P3H2: variants seen among roughly 807,000 people sequenced by gnomAD.
P3H2 encodes leprecan-like 1.
A neutral mutation model predicts 87.0 loss-of-function variants in P3H2; 80 were observed. The ratio of observed to expected loss-of-function variants is 0.92; its 90% CI spans 0.77 to 1.11. P3H2 has a LOEUF of 1.11. Ranked by LOEUF, P3H2 falls within the 50% of genes least tolerant of loss-of-function variation. The probability of loss-of-function intolerance (pLI) is 0.00; values close to 1 mark genes in which losing one functional copy is unlikely to be tolerated. For missense variants in P3H2, 1,001 were observed against 923.9 expected (o/e 1.08, Z -1.08); for synonymous variants, 367 against 359.3 (o/e 1.02, Z -0.24).
Position 189,995,450 on chromosome 3 carries a change from G to GA in P3H2, c.481-9dup, listed in dbSNP as rs371335199. 1,466 of 1,564,644 alleles carry GA rather than the reference G, an allele frequency of 9.4e-4. 13 individuals carry two copies. In the African/African-American group the frequency reaches 0.014, roughly 15 times the overall value. The stretch of plus-strand genomic sequence containing the variant: ...TTTTTCGAGCTGGTTAAGCTAAAGA[G>GA]AAAAAAAAATGACCAAAATGAAGGC... On this transcript the variant is annotated splice_polypyrimidine_tract_variant and intron_variant, in intron 1 of 14. Coordinates refer to ENST00000319332, the MANE Select transcript of P3H2 (RefSeq NM_018192.4).
chr3:190,083,901 G>A (rs1018155250), intron 1 of P3H2, among the ~76,000 whole-genome samples: 1 of 152,088 alleles, frequency 6.6e-6, no homozygotes, highest in Non-Finnish European at 1.5e-5. Context: ...AAGCTTGGCT[G>A]GATTTTTAAA....
At chr3:190,103,961 T>G (rs1316221020) in intron 1 of P3H2, among the ~76,000 whole-genome samples, 1 of 151,998 alleles carries the variant, frequency 6.6e-6, no homozygotes, top group Non-Finnish European at 1.5e-5. Context: ...CTGGCTAATT[T>G]TTGTATTTTT....
At chr3:190,099,232 C>T (rs965534360) in intron 1 of P3H2, among the ~76,000 whole-genome samples, 7 of 152,052 alleles carry the variant, frequency 4.6e-5, no homozygotes, top group Admixed American at 1.3e-4. Context: ...ACAAATTATG[C>T]GTGGAACGAA....
chr3:190,033,006 C>T (rs1039953758), intron 1 of P3H2, among the ~76,000 whole-genome samples: 3 of 152,162 alleles, frequency 2.0e-5, no homozygotes, highest in African/African-American at 7.2e-5. Flanking sequence ...TGAAACTAGA[C>T]GGTCCCATCT....
At chr3:189,991,435 G>A (rs566108081) in intron 3 of P3H2, among the ~76,000 whole-genome samples, 165 of 152,198 alleles carry the variant, frequency 1.1e-3, no homozygotes, top group African/African-American at 3.9e-3. Context: ...CATAAACATG[G>A]AGTATTTAAC....
intron 1 of P3H2, among the ~76,000 whole-genome samples, chr3:190,099,875 A>G (rs1463475056): frequency 1.3e-5 from 2 of 152,140 alleles, no homozygotes; most frequent in African/African-American, 4.8e-5. Flanking sequence ...AGAGGTACTG[A>G]GGCTAATTGT....
chr3:189,985,979 T>C (rs917575983), intron 6 of P3H2, among the ~76,000 whole-genome samples: 5 of 152,142 alleles, frequency 3.3e-5, no homozygotes, highest in Admixed American at 2.0e-4. Flanking sequence ...CTTTATACCA[T>C]AGTATATGTT....
intron 8 of P3H2, among the ~76,000 whole-genome samples, chr3:189,979,793 C>T (rs1476410296): frequency 6.6e-6 from 1 of 151,216 alleles, no homozygotes; most frequent in Non-Finnish European, 1.5e-5. Flanking sequence ...GAAACCCCGT[C>T]TCTACTAAAA....
chr3:190,051,526 T>C (rs1725983440), intron 1 of P3H2, among the ~76,000 whole-genome samples: 2 of 152,208 alleles, frequency 1.3e-5, no homozygotes, highest in African/African-American at 4.8e-5. Flanking sequence ...GAGCCAATTT[T>C]TACAAGTTAC....
At chr3:189,964,133 T>C (rs1577241860) in intron 13 of P3H2, 35 bp from the exon 14 acceptor site, 1 of 1,599,172 alleles carries the variant, frequency 6.3e-7, no homozygotes, top group Non-Finnish European at 8.6e-7. Flanking sequence ...CTTTCAATTG[T>C]TGTATCATAA....
chr3:189,983,376 A>G (rs1397159965), intron 7 of P3H2: 2 of 532,772 alleles, frequency 3.8e-6, no homozygotes, highest in East Asian at 3.1e-5. Context: ...ATTACAATTA[A>G]TTGTATGCAT....
chr3:190,085,480 T>C (rs182332195), intron 1 of P3H2, among the ~76,000 whole-genome samples: 7 of 152,368 alleles, frequency 4.6e-5, no homozygotes, highest in Admixed American at 3.9e-4. Context: ...GCTTGACATG[T>C]GCTTGCACAA....
chr3:190,109,094 T>A (rs1036584280), intron 1 of P3H2, among the ~76,000 whole-genome samples: 16 of 152,164 alleles, frequency 1.1e-4, no homozygotes, highest in African/African-American at 3.4e-4. Flanking sequence ...GTGGGAAACA[T>A]CCTAGTTTTC....
Position 190,120,338 on chromosome 3 carries a change from C to A in P3H2, c.394G>T (p.Ala132Ser). 6.3e-7 allele frequency: 1 copy of A among 1,588,600 alleles called. No homozygotes were observed. Among genetic ancestry groups the A allele is most frequent in the East Asian group, 2.3e-5 (1 of 43,870 alleles). ...TCCTCGCTGACGCGGTGGCGGGATGCGGGGCCCCCGAGGCGCTGGGTCTCA... is the reference window on the plus strand; with the variant it reads ...TCCTCGCTGACGCGGTGGCGGGATGAGGGGCCCCCGAGGCGCTGGGTCTCA... ...SCETQRLGGPASRHRVSEDVR... is the reference protein window; with the variant it reads ...SCETQRLGGPSSRHRVSEDVR... Residue 132 changes from alanine (A) to serine (S), a missense_variant, in exon 1 of 15, where the codon GCA becomes TCA. Transcript: ENST00000319332.
chr3:190,056,654 T>C (rs10937418), intron 1 of P3H2, among the ~76,000 whole-genome samples: 75,165 of 151,620 alleles, frequency 0.5, 21,016 homozygotes, highest in South Asian at 0.65. Context: ...CTTCTGGGGG[T>C]CCATAGAAAT....
chr3:189,972,047 G>A, intron 11 of P3H2, 40 bp from the exon 12 acceptor site: 1 of 1,228,030 alleles, frequency 8.1e-7, no homozygotes, highest in Non-Finnish European at 1.2e-6. Context: ...GAAATGAAGT[G>A]CAGCAACTTC....
At position 189,972,798 on chromosome 3, in the gene P3H2, T is replaced by A. The variant is rs541228276; in HGVS notation, c.1699+76A>T. Reference sequence around the variant, plus strand: ...TCTAAAATATTAATCTACCATGCTGTTGAGCTTTGTTTTGCCTTGTTTCAT... The same window carrying A: ...TCTAAAATATTAATCTACCATGCTGATGAGCTTTGTTTTGCCTTGTTTCAT... On this transcript the variant is annotated intron_variant, in intron 11 of 14. Coordinates refer to ENST00000319332, the MANE Select transcript of P3H2 (RefSeq NM_018192.4). 4 of 1,482,972 alleles carry A rather than the reference T, an allele frequency of 2.7e-6. No individual in the cohort carries two copies. The East Asian group carries it at 9.1e-5, about 34-fold the overall frequency. 91.9% of individuals were successfully genotyped at this position (1,482,972 alleles called of 1,614,324 possible).
chr3:190,101,562 T>C (rs1431909889), intron 1 of P3H2, among the ~76,000 whole-genome samples: 1 of 151,858 alleles, frequency 6.6e-6, no homozygotes. Context: ...CAAACTCTCC[T>C]CAATTCTGTG....
chr3:189,995,231 A>T (rs970378419), intron 2 of P3H2, 59 bp downstream of exon 2: 61 of 1,532,592 alleles, frequency 4.0e-5, no homozygotes, highest in Non-Finnish European at 5.3e-5. Flanking sequence ...GCTGTGACTC[A>T]GATGAAACTT....
Sources: gnomAD v4.1 joint callset for allele counts (sites outside exome capture counted in the v4.1 genomes callset) on GRCh38, gnomAD v4.1.1 for gene constraint, MANE v1.5 for transcripts, NCBI Gene and HGNC (gene_info 2026-07-23, HGNC 2026-07-21) for gene names.